The following FANCC variants were observed in gnomAD, a reference collection of about 807,000 sequenced individuals.
The protein encoded by FANCC is Fanconi anemia group C protein.
Under a neutral mutation model 71.3 loss-of-function variants are expected in FANCC, and 55 were observed. The ratio of observed to expected loss-of-function variants is 0.77; its 90% CI spans 0.62 to 0.97. The LOEUF (loss-of-function observed/expected upper bound fraction) is 0.97. Ranked by LOEUF, FANCC falls within the 50% of genes least tolerant of loss-of-function variation. The pLI is 0.00. For missense variants in FANCC, 678 were observed against 670.9 expected, an observed-to-expected ratio of 1.01 and a Z score of -0.12; for synonymous variants, 275 against 244.9, an observed-to-expected ratio of 1.12 and a Z score of -1.15.
chr9:95,275,935 C>G (rs1436970850), intron 1 of FANCC, among the ~76,000 whole-genome samples: 1 of 152,080 alleles, frequency 6.6e-6, no homozygotes, highest in Non-Finnish European at 1.5e-5. Context: ...AGAGAGAAGG[C>G]AAGAGTGGAT....
intron 1 of FANCC, among the ~76,000 whole-genome samples, chr9:95,297,883 A>C (rs901977028): frequency 6.6e-6 from 1 of 152,206 alleles, no homozygotes; most frequent in Non-Finnish European, 1.5e-5. Flanking sequence ...ATAAAAGTAC[A>C]TTTTACCAAG....
rs1448899006 is a variant in FANCC at position 95,101,233 on chromosome 9, C to T, written c.*474G>A. ...ACTCCCCTTGAAGAATTTCTCCATACAGCAAGACAGTGTGGCTTTATCCCA... is the reference window on the plus strand; with the variant it reads ...ACTCCCCTTGAAGAATTTCTCCATATAGCAAGACAGTGTGGCTTTATCCCA... On this transcript the variant is annotated 3_prime_UTR_variant, in exon 15 of 15. Coordinates refer to ENST00000289081, the MANE Select transcript of FANCC (RefSeq NM_000136.3). The T allele has an allele frequency of 7.1e-6, 2 of 279,838 alleles. No homozygotes were observed. Among genetic ancestry groups the T allele is most frequent in the African/African-American group, 4.3e-5 (2 of 46,816 alleles). The allele number at this position is 279,838 out of a possible 1,614,324, so 17.3% of individuals were successfully genotyped here.
chr9:95,129,742 T>C (rs569904604), intron 8 of FANCC, among the ~76,000 whole-genome samples: 2 of 151,896 alleles, frequency 1.3e-5, no homozygotes, highest in South Asian at 4.2e-4. Flanking sequence ...CAGCAGGAGG[T>C]CTTCAATAAC....
rs1345752759 is a variant in FANCC at position 95,150,202 on chromosome 9, T to TA, written c.522-116dup. On this transcript the variant is annotated intron_variant, in intron 6 of 14. Transcript: ENST00000289081. ...ACAGATCACCTGTTTTGCCTCTAAATAAAGAGAATGACTCTAACACCATCG... is the reference window on the plus strand; with the variant it reads ...ACAGATCACCTGTTTTGCCTCTAAATAAAAGAGAATGACTCTAACACCATCG... The TA allele has an allele frequency of 2.0e-5, 20 of 1,017,904 alleles. 1 individual carries two copies. In the Admixed American group the frequency reaches 4.1e-4, roughly 21 times the overall value. The allele number at this position is 1,017,904 out of a possible 1,614,324, so 63.1% of individuals were successfully genotyped here.
chr9:95,222,328 T>C, intron 4 of FANCC, among the ~76,000 whole-genome samples: 1 of 152,112 alleles, frequency 6.6e-6, no homozygotes, highest in Non-Finnish European at 1.5e-5. Flanking sequence ...CAGCTACATA[T>C]AAGCTAGAAC....
chr9:95,198,116 G>A (rs1827573758), intron 4 of FANCC, among the ~76,000 whole-genome samples: 1 of 152,158 alleles, frequency 6.6e-6, no homozygotes, highest in Non-Finnish European at 1.5e-5. Context: ...GCACTCGCAG[G>A]AGTGAGACAC....
intron 4 of FANCC, among the ~76,000 whole-genome samples, chr9:95,223,125 C>T (rs1412857569): frequency 1.3e-5 from 2 of 151,990 alleles, no homozygotes; most frequent in Non-Finnish European, 2.9e-5. Flanking sequence ...TAATAAAAAC[C>T]TTTTTATTTT....
intron 12 of FANCC, 73 bp from the exon 13 acceptor site, chr9:95,111,710 A>G: frequency 6.4e-7 from 1 of 1,560,094 alleles, no homozygotes; most frequent in Admixed American, 1.7e-5. Context: ...AAGCAACTTT[A>G]ACGTTTGCCA....
intron 1 of FANCC, among the ~76,000 whole-genome samples, chr9:95,275,902 A>G (rs546858152): frequency 6.6e-6 from 1 of 152,330 alleles, no homozygotes; most frequent in South Asian, 2.1e-4. Context: ...TCTGAGCATA[A>G]GGATCATAAA....
chr9:95,117,784 C>T (rs1316620350), intron 10 of FANCC, among the ~76,000 whole-genome samples: 5 of 147,290 alleles, frequency 3.4e-5, no homozygotes, highest in Admixed American at 2.8e-4. Flanking sequence ...AGTGCAATGG[C>T]GCGATCTCAG....
chr9:95,163,487 C>A (rs1416217691), intron 6 of FANCC, among the ~76,000 whole-genome samples: 1 of 152,174 alleles, frequency 6.6e-6, no homozygotes, highest in African/African-American at 2.4e-5. Flanking sequence ...AAAAACCAAA[C>A]GCCACTGACA....
chr9:95,222,162 CAA>C (rs60764731), intron 4 of FANCC, among the ~76,000 whole-genome samples: 228 of 70,600 alleles, frequency 3.2e-3, no homozygotes, highest in African/African-American at 7.3e-3. Flanking sequence ...GGCCCCATCT[CAA>C]AAAAAAAAAA....
chr9:95,196,436 G>A (rs933298940), intron 4 of FANCC, among the ~76,000 whole-genome samples: 3 of 151,954 alleles, frequency 2.0e-5, no homozygotes, highest in Non-Finnish European at 2.9e-5. Context: ...GAGTCTTAAC[G>A]CTAATATCTG....
intron 7 of FANCC, among the ~76,000 whole-genome samples, chr9:95,141,212 T>C (rs1046494897): frequency 3.4e-5 from 5 of 147,656 alleles, no homozygotes; most frequent in Admixed American, 7.0e-5. Context: ...CTCGGGAGGC[T>C]GAGGTCAAAG....
At chr9:95,199,239 C>T (rs1026718146) in intron 4 of FANCC, among the ~76,000 whole-genome samples, 1 of 151,940 alleles carries the variant, frequency 6.6e-6, no homozygotes, top group Non-Finnish European at 1.5e-5. Flanking sequence ...AAGCCCCCCA[C>T]CTCACCCCTA....
chr9:95,148,966 T>TC (rs1204434246), intron 7 of FANCC, among the ~76,000 whole-genome samples: 1 of 152,148 alleles, frequency 6.6e-6, no homozygotes, highest in Non-Finnish European at 1.5e-5. Context: ...TTCATACACT[T>TC]CAACCAAAAC....
chr9:95,142,761 C>T (rs1828960098), intron 7 of FANCC, among the ~76,000 whole-genome samples: 1 of 152,124 alleles, frequency 6.6e-6, no homozygotes, highest in South Asian at 2.1e-4. Context: ...TCAGAGCCAC[C>T]CCGAGCTGCG....
chr9:95,174,230 C>T (rs969153021), intron 4 of FANCC, among the ~76,000 whole-genome samples: 2 of 152,028 alleles, frequency 1.3e-5, no homozygotes, highest in East Asian at 1.9e-4. Flanking sequence ...CTAGAGGAAA[C>T]GGACACTATG....
intron 1 of FANCC, among the ~76,000 whole-genome samples, chr9:95,305,319 A>G (rs1030525698): frequency 2.0e-5 from 3 of 152,226 alleles, no homozygotes; most frequent in African/African-American, 2.4e-5. Flanking sequence ...AGAGCACAGA[A>G]AGAAACTTTA....
Sources: allele counts gnomAD v4.1 joint callset (sites outside exome capture counted in the v4.1 genomes callset), GRCh38; gene constraint gnomAD v4.1.1; transcripts MANE v1.5; gene names NCBI Gene and HGNC (gene_info 2026-07-23, HGNC 2026-07-21).